The following DSCAM variants were observed in gnomAD, a reference collection of about 807,000 sequenced individuals.
DSCAM encodes the protein DS cell adhesion molecule.
A neutral mutation model predicts 217.7 loss-of-function variants in DSCAM; 47 were observed. The ratio of observed to expected loss-of-function variants is 0.22; its 90% CI spans 0.17 to 0.28. DSCAM has a LOEUF of 0.28. Among genes scored for constraint, DSCAM ranks in the 10% least tolerant of loss-of-function variants. The pLI, the probability that DSCAM is intolerant of heterozygous loss-of-function variation, is 1.00. For synonymous variants in DSCAM, 1,056 were observed against 1,015.3 expected, an observed-to-expected ratio of 1.04 and a Z score of -0.76; for missense variants, 2,080 against 2,618.3, an observed-to-expected ratio of 0.79 and a Z score of 4.49.
chr21:40,563,049 G>T (rs1038786116), intron 3 of DSCAM, among the ~76,000 whole-genome samples: 2 of 152,140 alleles, frequency 1.3e-5, no homozygotes, highest in Admixed American at 1.3e-4. Context: ...TGCTGAAGCA[G>T]GGTGAGTTAT....
chr21:40,823,211 G>A (rs2091943591), intron 1 of DSCAM, among the ~76,000 whole-genome samples: 1 of 150,428 alleles, frequency 6.6e-6, no homozygotes, highest in South Asian at 2.1e-4. Context: ...CATTGTGTGT[G>A]TGTGTGTGTG....
chr21:40,018,712 G>C (rs1218595902), intron 32 of DSCAM, among the ~76,000 whole-genome samples: 8 of 152,222 alleles, frequency 5.3e-5, no homozygotes, highest in African/African-American at 1.7e-4. Context: ...GCCTGCAGGG[G>C]CTCCCACTTC....
At chr21:40,342,112 C>A (rs1182605848) in intron 6 of DSCAM, among the ~76,000 whole-genome samples, 1 of 152,056 alleles carries the variant, frequency 6.6e-6, no homozygotes, top group Non-Finnish European at 1.5e-5. Context: ...CTGCTCAAAT[C>A]TTTGGCCATT....
rs770091833 is a variant in DSCAM, at chr21:40,146,278, C to T, written c.3019-1547G>A. Among the ~76,000 whole-genome samples the T allele has an allele frequency of 6.7e-5, 5 of 74,878 alleles. No homozygotes were observed. In the South Asian group the frequency reaches 2.3e-3, roughly 34 times the overall value. The allele number at this position is 74,878 out of a possible 152,430, so 49.1% of individuals were successfully genotyped here. ...GGGCTTGACGGAGGGGGGGAGGTGG[C>T]GGGGCACGGCTCAGAGAAGTAGAAG... is the stretch of plus-strand genomic sequence containing the variant. On this transcript the variant is annotated intron_variant, in intron 16 of 32. Transcript: ENST00000400454.
chr21:40,647,042 A>G (rs971354225), intron 3 of DSCAM, among the ~76,000 whole-genome samples: 3 of 152,250 alleles, frequency 2.0e-5, no homozygotes, highest in African/African-American at 7.2e-5. Context: ...AGGAGGAAAA[A>G]TTCAAGCCAC....
At chr21:40,240,209 C>G (rs1285410545) in intron 11 of DSCAM, among the ~76,000 whole-genome samples, 3 of 152,170 alleles carry the variant, frequency 2.0e-5, no homozygotes, top group Admixed American at 2.0e-4. Flanking sequence ...GATTAACATT[C>G]AAGCCAGGCA....
chr21:40,519,346 T>A (rs1280615618), intron 3 of DSCAM, among the ~76,000 whole-genome samples: 1 of 152,198 alleles, frequency 6.6e-6, no homozygotes, highest in Non-Finnish European at 1.5e-5. Flanking sequence ...AAAAAAAGTC[T>A]CAGTGCTATG....
intron 11 of DSCAM, among the ~76,000 whole-genome samples, chr21:40,237,243 C>T (rs900106794): frequency 4.6e-5 from 7 of 152,124 alleles, no homozygotes; most frequent in Non-Finnish European, 1.0e-4. Context: ...ACTTTAAGTT[C>T]TGGGGTACAT....
chr21:40,487,921 A>G (rs2076043827), intron 3 of DSCAM, among the ~76,000 whole-genome samples: 1 of 152,166 alleles, frequency 6.6e-6, no homozygotes, highest in South Asian at 2.1e-4. Context: ...AGTCAAATTT[A>G]TGTACATTCT....
chr21:40,319,139 GATGA>G (rs1479001924), intron 8 of DSCAM, among the ~76,000 whole-genome samples: 3 of 152,128 alleles, frequency 2.0e-5, no homozygotes, highest in African/African-American at 4.8e-5. Flanking sequence ...AATTTCTGTG[GATGA>G]ATGAAGTAGG....
In DSCAM at chr21:40,264,425, T is replaced by G. The variant is rs185367446; in HGVS notation, c.2356+11672A>C. Among the ~76,000 whole-genome samples, 6 of 152,290 alleles carry G rather than the reference T, an allele frequency of 3.9e-5. No homozygotes were observed. The East Asian group carries it at 1.2e-3, about 29-fold the overall frequency. ...ACATACGCAAGTCAAAAAATGTGAT[T>G]CATCACATAAACATAATTAAAAACA... On this transcript the variant is annotated intron_variant, in intron 11 of 32. Coordinates refer to ENST00000400454, the MANE Select transcript of DSCAM (RefSeq NM_001389.5).
At chr21:40,633,146 C>T (rs1048489932) in intron 3 of DSCAM, among the ~76,000 whole-genome samples, 4 of 152,224 alleles carry the variant, frequency 2.6e-5, no homozygotes, top group African/African-American at 9.6e-5. Context: ...AATACATCAT[C>T]ACCAGCGAAC....
intron 4 of DSCAM, among the ~76,000 whole-genome samples, chr21:40,367,845 A>G (rs118096536): frequency 8.2e-4 from 125 of 152,234 alleles, no homozygotes; most frequent in Middle Eastern, 6.8e-3. Context: ...CACTTTTCCA[A>G]TGCTCACTAG....
intron 3 of DSCAM, among the ~76,000 whole-genome samples, chr21:40,669,827 T>C (rs903303851): frequency 3.9e-5 from 6 of 152,102 alleles, no homozygotes; most frequent in African/African-American, 1.4e-4. Flanking sequence ...CGCCTAGGCC[T>C]CCCAAAGTGC....
Position 40,821,828 on chromosome 21 carries a change from A to G in DSCAM, c.43+24791T>C, listed in dbSNP as rs146511125. The stretch of plus-strand genomic sequence containing the variant: ...CTAAATGATGAGAACACATGGGCAC[A>G]TAGAGAGGAACAACACACACTGGGG... On this transcript the variant is annotated intron_variant, in intron 1 of 32. Coordinates refer to ENST00000400454, the MANE Select transcript of DSCAM (RefSeq NM_001389.5). Among the ~76,000 whole-genome samples the G allele has an allele frequency of 2.5e-3, 374 of 152,208 alleles. 10 individuals carry two copies. In the East Asian group the frequency reaches 0.063, roughly 26 times the overall value.
At chr21:40,844,966 AG>A (rs1297728834) in intron 1 of DSCAM, among the ~76,000 whole-genome samples, 3 of 152,204 alleles carry the variant, frequency 2.0e-5, no homozygotes, top group African/African-American at 7.2e-5. Context: ...CAGGCGAAAC[AG>A]GGTGTCAAGG....
At chr21:40,059,487 G>C (rs545515369) in intron 28 of DSCAM, among the ~76,000 whole-genome samples, 2 of 152,136 alleles carry the variant, frequency 1.3e-5, no homozygotes, top group Admixed American at 6.5e-5. Context: ...CCCAGCAATG[G>C]GTGATGCTGC....
intron 16 of DSCAM, among the ~76,000 whole-genome samples, chr21:40,151,088 G>T (rs1370454331): frequency 6.6e-6 from 1 of 152,108 alleles, no homozygotes. Context: ...TACCTGTTGT[G>T]AGATCTGATC....
intron 1 of DSCAM, among the ~76,000 whole-genome samples, chr21:40,757,847 G>A (rs1439201589): frequency 6.6e-6 from 1 of 152,124 alleles, no homozygotes; most frequent in African/African-American, 2.4e-5. Flanking sequence ...TTCATGTGGG[G>A]GAATACACGT....
Sources: gnomAD v4.1 joint callset for allele counts (sites outside exome capture counted in the v4.1 genomes callset) on GRCh38, gnomAD v4.1.1 for gene constraint, MANE v1.5 for transcripts, NCBI Gene and HGNC (gene_info 2026-07-23, HGNC 2026-07-21) for gene names.